ATMIN: variants seen among roughly 807,000 people sequenced by gnomAD.
ATMIN encodes the protein ATM INteracting protein.
Under a neutral mutation model 49.2 loss-of-function variants are expected in ATMIN, and 24 were observed. That is an observed-to-expected ratio of 0.49 (90% CI 0.35 to 0.69). The LOEUF is 0.69. ATMIN is among the 30% of genes least tolerant of loss of function. The pLI is 0.00. For synonymous variants in ATMIN, 450 were observed against 392.5 expected, an observed-to-expected ratio of 1.15 and a Z score of -1.73; for missense variants, 1,037 against 1,005.5, an observed-to-expected ratio of 1.03 and a Z score of -0.42.
chr16:81,038,490 C>A (rs1291126224), intron 1 of ATMIN, among the ~76,000 whole-genome samples: 1 of 152,064 alleles, frequency 6.6e-6, no homozygotes, highest in East Asian at 1.9e-4. Context: ...TTTTTCTTGA[C>A]AAGCAGACTG....
intron 1 of ATMIN, 128 bp from the exon 2 acceptor site, chr16:81,041,228 A>C: frequency 2.0e-6 from 2 of 996,908 alleles, no homozygotes; most frequent in Non-Finnish European, 2.9e-6. Flanking sequence ...TACTGCTGAC[A>C]CTAGATGGAA....
rs751760032 is a variant in ATMIN at position 81,036,984 on chromosome 16, C to G, written c.336+778C>G. 1.2e-3 allele frequency among the ~76,000 whole-genome samples: 188 copies of G among 152,308 alleles called. 1 individual carries two copies. Among genetic ancestry groups the G allele is most frequent in the Non-Finnish European group, 2.3e-3 (154 of 68,028 alleles). On this transcript the variant is annotated intron_variant, in intron 1 of 3. Transcript: ENST00000299575. ...CCTAAGGGAAATTGCCCCTGTGGCT[C>G]TTCTTTAAGAGGGGGACACAGTAAA... is the stretch of plus-strand genomic sequence containing the variant.
chr16:81,041,454 G>A lies in ATMIN; in HGVS notation c.435G>A (p.Pro145=), dbSNP rs770079534. The change falls in exon 2 of 4, where the codon CCG becomes CCA. Residue 145 remains proline (P), a synonymous_variant. Coordinates refer to ENST00000299575, the MANE Select transcript of ATMIN (RefSeq NM_015251.3). ...IEGCPRGPER[P]FSQFSLVKQH... is the part of the protein sequence containing the mutation. ...GCTGCCCCAGAGGCCCTGAGAGACCGTTTTCTCAGTTTTCTCTCGTAAAAC... is the reference window on the plus strand; with the variant it reads ...GCTGCCCCAGAGGCCCTGAGAGACCATTTTCTCAGTTTTCTCTCGTAAAAC... The A allele has an allele frequency of 9.9e-6, 16 of 1,608,672 alleles. No homozygotes were observed. The highest frequency in any genetic ancestry group is 2.2e-5 in the East Asian group (1 of 44,846).
rs916313966 is a variant in ATMIN at position 81,036,222 on chromosome 16, C to T, written c.336+16C>T. The T allele has an allele frequency of 3.6e-6, 5 of 1,392,866 alleles. No individual in the cohort carries two copies. Among genetic ancestry groups the T allele is most frequent in the South Asian group, 2.8e-5 (2 of 71,808 alleles). The allele number at this position is 1,392,866 out of a possible 1,614,324, so 86.3% of individuals were successfully genotyped here. A position where few individuals can be genotyped will look rare whatever the true frequency, so the allele number is the denominator to read the frequency against. On this transcript the variant is annotated intron_variant, in intron 1 of 3. Transcript: ENST00000299575. ...CCGCCTGCAGGTGAGCCCGACGCGGCCGGCGGCCCGGGGGGCCGGGCCTGG... is the reference window on the plus strand; with the variant it reads ...CCGCCTGCAGGTGAGCCCGACGCGGTCGGCGGCCCGGGGGGCCGGGCCTGG...
Position 81,043,700 on chromosome 16 carries a change from A to G in ATMIN, c.1202A>G (p.Asn401Ser), listed in dbSNP as rs1971073774. 1.9e-6 allele frequency: 3 copies of G among 1,614,248 alleles called. No homozygotes were observed. The highest frequency in any genetic ancestry group is 1.7e-4 in the Middle Eastern group (1 of 6,058). The change falls in exon 4 of 4, where the codon AAC becomes AGC. Residue 401 changes from asparagine to serine, a missense_variant. Coordinates refer to ENST00000299575, the MANE Select transcript of ATMIN (RefSeq NM_015251.3). ...SPSNPLQELG[N>S]TCQKNSISSI... ...TCTAATCCTTTACAAGAACTAGGGA[A>G]CACGTGTCAAAAGAATAGCATTTCT...
chr16:81,042,319 T>C lies in ATMIN; in HGVS notation c.501T>C (p.Cys167=). The change falls in exon 3 of 4, where the codon TGT becomes TGC. Residue 167 remains cysteine, a synonymous_variant. Transcript: ENST00000299575. ...TGCATGCTGAGAAGAAGCACAAATG[T>C]AGTAAGTGCAGCAATTCGTACGGTA... ...MKMHAEKKHK[C]SKCSNSYGTE... 6.2e-7 allele frequency: 1 copy of C among 1,613,912 alleles called. No individual in the cohort carries two copies. The highest frequency in any genetic ancestry group is 2.2e-5 in the East Asian group (1 of 44,882).
At position 81,045,263 on chromosome 16, in the gene ATMIN, A is replaced by T; in HGVS notation, c.*293A>T. 1 of 330,036 alleles carries T rather than the reference A, an allele frequency of 3.0e-6. No homozygotes were observed. Among genetic ancestry groups the T allele is most frequent in the Non-Finnish European group, 5.5e-6 (1 of 181,806 alleles). The allele number at this position is 330,036 out of a possible 1,614,324, so 20.4% of individuals were successfully genotyped here. On this transcript the variant is annotated 3_prime_UTR_variant, in exon 4 of 4. Coordinates refer to ENST00000299575, the MANE Select transcript of ATMIN (RefSeq NM_015251.3). ...AATGTATTTCATATCTATAAAACCTATATAGCCATTTAGCTGAAGCCCAGC... is the reference window on the plus strand; with the variant it reads ...AATGTATTTCATATCTATAAAACCTTTATAGCCATTTAGCTGAAGCCCAGC...
chr16:81,036,232 G>C (rs1485508305), intron 1 of ATMIN, 26 bp downstream of exon 1: 5 of 1,363,500 alleles, frequency 3.7e-6, no homozygotes, highest in South Asian at 1.4e-5. Context: ...CCGGCGGCCC[G>C]GGGGGCCGGG....
Position 81,046,143 on chromosome 16 carries a change from T to G in ATMIN, c.*1173T>G, listed in dbSNP as rs986320755. On this transcript the variant is annotated 3_prime_UTR_variant, in exon 4 of 4. Coordinates refer to ENST00000299575, the MANE Select transcript of ATMIN (RefSeq NM_015251.3). ...TTCTGGTCTCCACAGTAGGCCAGAG[T>G]TGGGGGCTCTGGAGCTGTTTCCCCA... 4 of 151,602 alleles carry G rather than the reference T, an allele frequency of 2.6e-5. No homozygotes were observed. Among genetic ancestry groups the G allele is most frequent in the African/African-American group, 9.7e-5 (4 of 41,202 alleles). 9.4% of individuals were successfully genotyped at this position (151,602 alleles called of 1,614,324 possible). A position where few individuals can be genotyped will look rare whatever the true frequency, so the allele number is the denominator to read the frequency against.
chr16:81,036,914 A>G (rs1004781546), intron 1 of ATMIN, among the ~76,000 whole-genome samples: 1 of 152,348 alleles, frequency 6.6e-6, no homozygotes, highest in East Asian at 1.9e-4. Context: ...TCTAAACACC[A>G]TCAGTCAGTT....
rs1971096590 is a variant in ATMIN, at chr16:81,045,016, C to T, written c.*46C>T. 1 of 1,575,914 alleles carries T rather than the reference C, an allele frequency of 6.3e-7. No homozygotes were observed. Among genetic ancestry groups the T allele is most frequent in the African/African-American group, 1.4e-5 (1 of 73,764 alleles). ...TGTGAAATGGCATCTACCATTTCCT[C>T]TGGATTAAAACTACGGACTGGGGAC... On this transcript the variant is annotated 3_prime_UTR_variant, in exon 4 of 4. Coordinates refer to ENST00000299575, the MANE Select transcript of ATMIN (RefSeq NM_015251.3).
chr16:81,040,866 A>G (rs1353815254), intron 1 of ATMIN: 1 of 153,842 alleles, frequency 6.5e-6, no homozygotes. Context: ...CAAAATCCAC[A>G]TAAATAGGAG....
rs1184870280 is a variant in ATMIN at position 81,036,123 on chromosome 16, C to G, written c.253C>G (p.Leu85Val). The G allele has an allele frequency of 3.4e-6, 5 of 1,463,892 alleles. No homozygotes were observed. The highest frequency in any genetic ancestry group is 2.3e-4 in the Middle Eastern group (1 of 4,328). 90.7% of individuals were successfully genotyped at this position (1,463,892 alleles called of 1,614,324 possible). A position where few individuals can be genotyped will look rare whatever the true frequency, so the allele number is the denominator to read the frequency against. ...ELSRAVRTNI[L>V]CTVRGCGKIL... ...GTCCCGGGCCGTGCGGACCAACATC[C>G]TGTGCACCGTGCGCGGCTGCGGCAA... Residue 85 changes from leucine (L) to valine (V), a missense_variant, in exon 1 of 4, where the codon CTG (leucine) becomes GTG (valine). Physicochemically the swap from Leu to Val is conservative, Grantham distance 32. Coordinates refer to ENST00000299575, the MANE Select transcript of ATMIN (RefSeq NM_015251.3).
At position 81,043,903 on chromosome 16, in the gene ATMIN, A is replaced by G; in HGVS notation, c.1405A>G (p.Thr469Ala). ...GACATTTTTGCCCAGCTCTAAGGTA[A>G]CTTCATCTATAGCTGCTCAGACTGA... ...TQTFLPSSKVTSSIAAQTDAF... is the reference protein window; with the variant it reads ...TQTFLPSSKVASSIAAQTDAF... Residue 469 changes from threonine to alanine, a missense_variant, in exon 4 of 4, where the codon ACT (threonine) becomes GCT (alanine). Thr to Ala is a moderately conservative substitution (Grantham distance 58). Coordinates refer to ENST00000299575, the MANE Select transcript of ATMIN (RefSeq NM_015251.3). The G allele has an allele frequency of 6.2e-7, 1 of 1,614,152 alleles. No individual in the cohort carries two copies. Among genetic ancestry groups the G allele is most frequent in the East Asian group, 2.2e-5 (1 of 44,874 alleles).
At position 81,036,188 on chromosome 16, in the gene ATMIN, C is replaced by G. The variant is rs770576634; in HGVS notation, c.318C>G (p.Val106=). 1 of 1,458,484 alleles carries G rather than the reference C, an allele frequency of 6.9e-7. No homozygotes were observed. The highest frequency in any genetic ancestry group is 9.1e-7 in the Non-Finnish European group (1 of 1,098,584). 90.3% of individuals were successfully genotyped at this position (1,458,484 alleles called of 1,614,324 possible). ...PNSPALNMHL[V]KSHRLQDGIV... is the part of the protein sequence containing the mutation. ...GCCCCGCGCTCAACATGCACCTAGT[C>G]AAGAGCCACCGCCTGCAGGTGAGCC... Residue 106 remains valine (V), a synonymous_variant, in exon 1 of 4, where the codon GTC becomes GTG. Coordinates refer to ENST00000299575, the MANE Select transcript of ATMIN (RefSeq NM_015251.3).
intron 3 of ATMIN, among the ~76,000 whole-genome samples, chr16:81,042,706 T>C (rs1257867645): frequency 6.6e-6 from 1 of 152,226 alleles, no homozygotes; most frequent in African/African-American, 2.4e-5. Flanking sequence ...CAGCCCTCTT[T>C]GAGAGTCCCT....
intron 1 of ATMIN, among the ~76,000 whole-genome samples, chr16:81,038,251 C>T (rs1937230436): frequency 6.6e-6 from 1 of 152,124 alleles, no homozygotes; most frequent in South Asian, 2.1e-4. Flanking sequence ...CTGCCTCAGC[C>T]TCCCTAGTAG....
chr16:81,042,161 G>GA (rs1176839771), intron 2 of ATMIN, 120 bp from the exon 3 acceptor site: 1 of 841,498 alleles, frequency 1.2e-6, no homozygotes, highest in Non-Finnish European at 1.9e-6. Flanking sequence ...TTGGACTGCT[G>GA]TATTTTATGT....
Position 81,036,062 on chromosome 16 carries a change from GGC to G in ATMIN, c.194_195del (p.Ala65GlyfsTer71). 1 of 1,285,618 alleles carries G rather than the reference GGC, an allele frequency of 7.8e-7. No individual in the cohort carries two copies. 79.6% of individuals were successfully genotyped at this position (1,285,618 alleles called of 1,614,324 possible). A position where few individuals can be genotyped will look rare whatever the true frequency, so the allele number is the denominator to read the frequency against. On this transcript the variant is annotated frameshift_variant, in exon 1 of 4. Coordinates refer to ENST00000299575, the MANE Select transcript of ATMIN (RefSeq NM_015251.3). LOFTEE classifies it high-confidence loss of function. ...AGCAGCCCGCTGTCCCCGCGCCGCC[GGC>G]GGGGGAGCTGATCCAGCCGTCGGTG... ...TQQPAVPAPP[A>X]GELIQPSVSE...
Sources: allele counts gnomAD v4.1 joint callset (sites outside exome capture counted in the v4.1 genomes callset), GRCh38; gene constraint gnomAD v4.1.1; transcripts MANE v1.5; gene names NCBI Gene and HGNC (gene_info 2026-07-23, HGNC 2026-07-21).